Variants in GPR158 observed in about 807,000 individuals in gnomAD.
The protein encoded by GPR158 is metabotropic glycine receptor.
In GPR158, 30 loss-of-function variants were observed where a neutral mutation model predicts 78.2. The ratio of observed to expected loss-of-function variants is 0.38; its 90% CI spans 0.29 to 0.52. The LOEUF (loss-of-function observed/expected upper bound fraction) is 0.52. Among genes scored for constraint, GPR158 ranks in the 20% least tolerant of loss-of-function variants. GPR158 has a pLI of 0.83. For missense variants in GPR158, 1,463 were observed against 1,523.5 expected, an observed-to-expected ratio of 0.96 and a Z score of 0.66; for synonymous variants, 581 against 591.1, an observed-to-expected ratio of 0.98 and a Z score of 0.25.
chr10:25,265,453 A>G (rs938688862), intron 2 of GPR158, among the ~76,000 whole-genome samples: 1 of 152,156 alleles, frequency 6.6e-6, no homozygotes, highest in Non-Finnish European at 1.5e-5. Flanking sequence ...GGCATGTAAT[A>G]GAAAGGAGAC....
chr10:25,314,390 C>T (rs1386077382), intron 2 of GPR158, among the ~76,000 whole-genome samples: 7 of 152,170 alleles, frequency 4.6e-5, no homozygotes, highest in African/African-American at 1.2e-4. Context: ...TGAGCCACCA[C>T]ACCCGGTTGG....
chr10:25,245,440 G>C (rs1286921924), intron 2 of GPR158, among the ~76,000 whole-genome samples: 1 of 152,106 alleles, frequency 6.6e-6, no homozygotes, highest in Non-Finnish European at 1.5e-5. Context: ...ACTAACTCCT[G>C]AATAGTAACC....
chr10:25,486,812 C>CTTTTT (rs138444360), intron 5 of GPR158, among the ~76,000 whole-genome samples: 7 of 150,470 alleles, frequency 4.7e-5, no homozygotes, highest in Non-Finnish European at 5.9e-5. Flanking sequence ...TATGATAGAC[C>CTTTTT]ATTTTTTTTT....
At position 25,600,300 on chromosome 10, in the gene GPR158, TA is replaced by T. The variant is rs1837477771; in HGVS notation, c.*1027del. ...TTTAACTCTTTCAGTATTTCCTACT[TA>T]GCAGCATTTCCAAAGGAAGAAGCTA... On this transcript the variant is annotated 3_prime_UTR_variant, in exon 11 of 11. Coordinates refer to ENST00000376351, the MANE Select transcript of GPR158 (RefSeq NM_020752.3). 6.6e-6 allele frequency: 1 copy of T among 152,578 alleles called. No homozygotes were observed. The highest frequency in any genetic ancestry group is 1.5e-5 in the Non-Finnish European group (1 of 68,034). 9.5% of individuals were successfully genotyped at this position (152,578 alleles called of 1,614,324 possible).
At chr10:25,398,606 C>T (rs1254335339) in intron 3 of GPR158, among the ~76,000 whole-genome samples, 1 of 152,154 alleles carries the variant, frequency 6.6e-6, no homozygotes, top group African/African-American at 2.4e-5. Context: ...CCTTTAACAA[C>T]TTATCTTTAT....
intron 2 of GPR158, among the ~76,000 whole-genome samples, chr10:25,351,707 T>C (rs1855474916): frequency 7.7e-6 from 1 of 130,276 alleles, no homozygotes; most frequent in South Asian, 2.3e-4. Flanking sequence ...AGTGTTTTTC[T>C]TTCTTTTTTT....
At chr10:25,332,115 G>GT (rs368046716) in intron 2 of GPR158, among the ~76,000 whole-genome samples, 31 of 137,068 alleles carry the variant, frequency 2.3e-4, no homozygotes, top group African/African-American at 1.1e-3. Context: ...GAAATCACCT[G>GT]GGGGGGGGCG....
At chr10:25,425,779 A>C (rs1409547269) in intron 4 of GPR158, among the ~76,000 whole-genome samples, 2 of 152,096 alleles carry the variant, frequency 1.3e-5, no homozygotes, top group African/African-American at 4.8e-5. Context: ...CTTCTCTCTT[A>C]GGACCTCCTA....
At chr10:25,277,405 A>C (rs1854199848) in intron 2 of GPR158, among the ~76,000 whole-genome samples, 1 of 152,144 alleles carries the variant, frequency 6.6e-6, no homozygotes, top group African/African-American at 2.4e-5. Context: ...GATATTCTGA[A>C]AAGCTGAATA....
intron 2 of GPR158, among the ~76,000 whole-genome samples, chr10:25,266,210 C>G (rs143357189): frequency 6.6e-6 from 1 of 152,276 alleles, no homozygotes; most frequent in South Asian, 2.1e-4. Flanking sequence ...AACTGGGTTT[C>G]TTTCTTTCAG....
chr10:25,275,048 A>G (rs917949507), intron 2 of GPR158, among the ~76,000 whole-genome samples: 11 of 152,166 alleles, frequency 7.2e-5, no homozygotes, highest in Non-Finnish European at 1.6e-4. Flanking sequence ...TTTTCATGAT[A>G]TTTTCAGTTC....
At chr10:25,256,885 G>A (rs575378543) in intron 2 of GPR158, among the ~76,000 whole-genome samples, 18 of 152,042 alleles carry the variant, frequency 1.2e-4, no homozygotes, top group African/African-American at 4.1e-4. Flanking sequence ...AAACATAATA[G>A]GCTGAAATTA....
intron 2 of GPR158, among the ~76,000 whole-genome samples, chr10:25,291,538 T>C (rs1038904318): frequency 2.6e-5 from 4 of 152,106 alleles, no homozygotes; most frequent in Non-Finnish European, 5.9e-5. Context: ...TAACACATAT[T>C]TTAATATTCT....
intron 4 of GPR158, among the ~76,000 whole-genome samples, chr10:25,428,060 A>G (rs562075337): frequency 6.6e-6 from 1 of 152,160 alleles, no homozygotes; most frequent in South Asian, 2.1e-4. Flanking sequence ...ATTATGTTGG[A>G]TTGCTTTATA....
intron 4 of GPR158, among the ~76,000 whole-genome samples, chr10:25,439,648 G>A (rs1010538158): frequency 2.0e-5 from 3 of 152,060 alleles, no homozygotes; most frequent in Non-Finnish European, 2.9e-5. Flanking sequence ...TTGTAGCAGT[G>A]TTCCTCAAAC....
intron 5 of GPR158, among the ~76,000 whole-genome samples, chr10:25,545,933 A>T (rs1032295036): frequency 2.6e-5 from 4 of 152,198 alleles, no homozygotes; most frequent in African/African-American, 9.6e-5. Flanking sequence ...TAAACAAATG[A>T]ATTACAGAAA....
intron 2 of GPR158, among the ~76,000 whole-genome samples, chr10:25,284,816 G>A (rs927111342): frequency 2.0e-5 from 3 of 151,432 alleles, no homozygotes; most frequent in Admixed American, 6.6e-5. Context: ...TTTACAATAC[G>A]TATCTTATTT....
At chr10:25,308,826 T>C (rs7085260) in intron 2 of GPR158, among the ~76,000 whole-genome samples, 6,497 of 152,278 alleles carry the variant, frequency 0.043, 150 homozygotes, top group African/African-American at 0.052. Flanking sequence ...ATGACTGGCT[T>C]ATTTCAGTTA....
At chr10:25,412,186 C>A in intron 3 of GPR158, 64 bp from the exon 4 acceptor site, 1 of 1,096,714 alleles carries the variant, frequency 9.1e-7, no homozygotes, top group Non-Finnish European at 1.4e-6. Flanking sequence ...TCTTTTGACT[C>A]TATACTCAAT....
Sources: gnomAD v4.1 joint callset for allele counts (sites outside exome capture counted in the v4.1 genomes callset) on GRCh38, gnomAD v4.1.1 for gene constraint, MANE v1.5 for transcripts, NCBI Gene and HGNC (gene_info 2026-07-23, HGNC 2026-07-21) for gene names.